Variants in RTN2 observed in about 807,000 individuals in gnomAD.
RTN2 encodes reticulon 2.
In RTN2, 36 loss-of-function variants were observed where a neutral mutation model predicts 63.7. That is an observed-to-expected ratio of 0.56 (90% CI 0.43 to 0.75). The LOEUF (loss-of-function observed/expected upper bound fraction) is 0.75. Ranked by LOEUF, RTN2 falls within the 30% of genes least tolerant of loss-of-function variation. RTN2 has a pLI of 0.00. For synonymous variants in RTN2, 312 were observed against 313.0 expected (o/e 1.00, Z 0.03); for missense variants, 673 against 705.1 (o/e 0.95, Z 0.52).
At chr19:45,487,929 C>G (rs1483131842) in intron 9 of RTN2, among the ~76,000 whole-genome samples, 1 of 133,380 alleles carries the variant, frequency 7.5e-6, no homozygotes, top group Non-Finnish European at 1.5e-5. Flanking sequence ...GGCAACAGAG[C>G]GAGACTCCAT....
Position 45,488,993 on chromosome 19 carries a change from G to A in RTN2, c.1242-7C>T. The A allele has an allele frequency of 1.2e-6, 2 of 1,610,010 alleles. No individual in the cohort carries two copies. The highest frequency in any genetic ancestry group is 1.7e-6 in the Non-Finnish European group (2 of 1,178,444). Reference sequence around the variant, plus strand: ...GTCCACATCCAGGTAGGCCCTGCGGGGACAAAGGAGTGTGGGGCGACTCAG... The same window carrying A: ...GTCCACATCCAGGTAGGCCCTGCGGAGACAAAGGAGTGTGGGGCGACTCAG... On this transcript the variant is annotated splice_region_variant and splice_polypyrimidine_tract_variant and intron_variant, in intron 6 of 10. Coordinates refer to ENST00000245923, the MANE Select transcript of RTN2 (RefSeq NM_005619.5).
At chr19:45,491,298 C>T (rs1233183208) in intron 5 of RTN2, among the ~76,000 whole-genome samples, 2 of 150,740 alleles carry the variant, frequency 1.3e-5, no homozygotes, top group Non-Finnish European at 3.0e-5. Context: ...CAGAGTCAAG[C>T]AAACCTCCTA....
intron 5 of RTN2, among the ~76,000 whole-genome samples, chr19:45,492,558 T>C (rs1968182107): frequency 6.6e-6 from 1 of 152,114 alleles, no homozygotes; most frequent in Admixed American, 6.5e-5. Flanking sequence ...AAAGAAACTT[T>C]AGTAATCTGC....
In RTN2 at chr19:45,493,350, T is replaced by G. The variant is rs1211234171; in HGVS notation, c.843A>C (p.Ser281=). ...CCGTCTTGTAAACAGCCAAAAGCAATGATGTCTTTAACCATTCCATAGCTG... is the reference window on the plus strand; with the variant it reads ...CCGTCTTGTAAACAGCCAAAAGCAAGGATGTCTTTAACCATTCCATAGCTG... ...LGTAMEWLKT[S]LLLAVYKTVP... Residue 281 remains serine (S), a synonymous_variant, in exon 5 of 11, where the codon TCA becomes TCC. Transcript: ENST00000245923. 1 of 1,609,506 alleles carries G rather than the reference T, an allele frequency of 6.2e-7. No individual in the cohort carries two copies. The highest frequency in any genetic ancestry group is 8.5e-7 in the Non-Finnish European group (1 of 1,178,870).
chr19:45,489,264 G>A (rs557248702), intron 6 of RTN2, 82 bp downstream of exon 6: 40 of 1,291,530 alleles, frequency 3.1e-5, no homozygotes, highest in African/African-American at 1.6e-4. Flanking sequence ...GGGTCCGGGT[G>A]GGAGTCGGTG....
intron 10 of RTN2, 125 bp downstream of exon 10, chr19:45,485,930 A>G: frequency 8.4e-7 from 1 of 1,187,568 alleles, no homozygotes; most frequent in Non-Finnish European, 1.2e-6. Flanking sequence ...CTACATTGGA[A>G]TTGCCTCCTC....
chr19:45,493,909 C>T (rs1292978206), intron 4 of RTN2: 5 of 465,128 alleles, frequency 1.1e-5, no homozygotes, highest in Non-Finnish European at 1.6e-5. Flanking sequence ...AGGCTGATCT[C>T]GAACTCCTCA....
chr19:45,487,199 A>T (rs1968044304), intron 9 of RTN2, among the ~76,000 whole-genome samples: 1 of 151,600 alleles, frequency 6.6e-6, no homozygotes, highest in Non-Finnish European at 1.5e-5. Context: ...GTGTGCCACC[A>T]CACCTGGCTA....
rs756218722 is a variant in RTN2 at position 45,494,337 on chromosome 19, G to T, written c.643C>A (p.Gln215Lys). ...CGGGATGGGGACGGAGTACCGGCCT[G>T]GGGTGTCCCAGAGCCCGGACTGAGC... is the stretch of plus-strand genomic sequence containing the variant. Reference protein sequence around the residue: ...PQLSPGSGTPQAGTPSPSRSR... With the variant: ...PQLSPGSGTPKAGTPSPSRSR... Residue 215 changes from glutamine (Q) to lysine (K), a missense_variant, in exon 4 of 11, where the codon CAG becomes AAG. Transcript: ENST00000245923. This position sits in a 1 kb window ranked among gnomAD's most constrained non-coding sequence, Gnocchi z 5.3. The T allele has an allele frequency of 2.5e-6, 4 of 1,614,156 alleles. No individual in the cohort carries two copies. Among genetic ancestry groups the T allele is most frequent in the Middle Eastern group, 3.3e-4 (2 of 6,062 alleles).
chr19:45,494,455 T>C lies in RTN2; in HGVS notation c.560-35A>G. On this transcript the variant is annotated intron_variant, in intron 3 of 10. Coordinates refer to ENST00000245923, the MANE Select transcript of RTN2 (RefSeq NM_005619.5). The surrounding 1 kb of genome is among the most constrained non-coding windows in gnomAD (Gnocchi z 5.3). ...TAGAGAGAGGAGGCCGTGAGCTTTC[T>C]TCTTGGAGGTGCCCCAAGGAGAAAC... The C allele has an allele frequency of 2.5e-6, 4 of 1,603,592 alleles. No homozygotes were observed. Among genetic ancestry groups the C allele is most frequent in the Non-Finnish European group, 3.4e-6 (4 of 1,173,020 alleles).
rs560611464 is a variant in RTN2 at position 45,491,256 on chromosome 19, C to T, written c.1034-1703G>A. 2.6e-5 allele frequency among the ~76,000 whole-genome samples: 4 copies of T among 151,384 alleles called. No homozygotes were observed. In the South Asian group the frequency reaches 6.3e-4, roughly 24 times the overall value. On this transcript the variant is annotated intron_variant, in intron 5 of 10. Transcript: ENST00000245923. ...TGTCACCCTGGCTGGAGTGCAGTGGCGTGATCATGGCTCACTACAGCCTCT... is the reference window on the plus strand; with the variant it reads ...TGTCACCCTGGCTGGAGTGCAGTGGTGTGATCATGGCTCACTACAGCCTCT...
chr19:45,489,251 T>C (rs2085597003), intron 6 of RTN2, 95 bp downstream of exon 6: 2 of 1,147,280 alleles, frequency 1.7e-6, no homozygotes, highest in South Asian at 2.8e-5. Context: ...TCAAGATGAG[T>C]CGGGGTCCGG....
intron 1 of RTN2, 44 bp from the exon 2 acceptor site, chr19:45,495,183 T>A (rs758645044): frequency 1.2e-6 from 2 of 1,608,306 alleles, no homozygotes; most frequent in Non-Finnish European, 1.7e-6. Flanking sequence ...GCTTAGACTG[T>A]CCGAATCACA....
intron 1 of RTN2, 26 bp downstream of exon 1, chr19:45,496,766 C>T: frequency 1.1e-5 from 17 of 1,482,726 alleles, no homozygotes; most frequent in Non-Finnish European, 1.5e-5. Context: ...GGGGCCCACA[C>T]CAGGCCCCAG....
intron 1 of RTN2, 44 bp downstream of exon 1, chr19:45,496,748 G>T: frequency 1.4e-6 from 2 of 1,398,356 alleles, no homozygotes; most frequent in Admixed American, 2.6e-5. Flanking sequence ...TACCCCACCT[G>T]AACCTCTGGG....
At position 45,488,922 on chromosome 19, in the gene RTN2, T is replaced by A. The variant is rs749371520; in HGVS notation, c.1306A>T (p.Thr436Ser). The A allele has an allele frequency of 1.2e-6, 2 of 1,609,640 alleles. No homozygotes were observed. Among genetic ancestry groups the A allele is most frequent in the Non-Finnish European group, 1.7e-6 (2 of 1,178,430 alleles). ...EQTERLSHQI[T>S]SRVVSAATQL... is the part of the protein sequence containing the mutation. ...GTGGCCGCCGAGACCACGCGGGAGG[T>A]GATCTGGTGGGACAAACGTTCCGTC... Residue 436 changes from threonine (T) to serine (S), a missense_variant, in exon 7 of 11, where the codon ACC becomes TCC. Thr to Ser is a moderately conservative substitution (Grantham distance 58). Transcript: ENST00000245923.
At chr19:45,489,310 G>T (rs1466893546) in intron 6 of RTN2, 36 bp downstream of exon 6, 1 of 1,539,042 alleles carries the variant, frequency 6.5e-7, no homozygotes, top group African/African-American at 1.4e-5. Flanking sequence ...TTTAGGGTCA[G>T]GACAGGGGCT....
chr19:45,489,396 G>A lies in RTN2; in HGVS notation c.1191C>T (p.Tyr397=). 1.3e-6 allele frequency: 2 copies of A among 1,597,738 alleles called. No homozygotes were observed. Among genetic ancestry groups the A allele is most frequent in the Non-Finnish European group, 8.5e-7 (1 of 1,172,692 alleles). ...GGTGCACGGCCTGCAGCACTTTGCG[G>A]TAAACCCTGAGAGAGATGGTGCCGC... ...LLCGTISLRV[Y]RKVLQAVHRG... is the part of the protein sequence containing the mutation. Residue 397 remains tyrosine (Y), a synonymous_variant, in exon 6 of 11, where the codon TAC becomes TAT. Coordinates refer to ENST00000245923, the MANE Select transcript of RTN2 (RefSeq NM_005619.5).
chr19:45,494,944 GTCC>G lies in RTN2; in HGVS notation c.138_140del (p.Glu46del), dbSNP rs755706051. 6.2e-7 allele frequency: 1 copy of G among 1,613,836 alleles called. No homozygotes were observed. Among genetic ancestry groups the G allele is most frequent in the Admixed American group, 1.7e-5 (1 of 59,994 alleles). ...AGTCCTGCGACGTGGTCTCCTCCTC[GTCC>G]TCCTCTGAGAATTCCCGGGCTGTGT... On this transcript the variant is annotated inframe_deletion, in exon 3 of 11. Coordinates refer to ENST00000245923, the MANE Select transcript of RTN2 (RefSeq NM_005619.5). The surrounding 1 kb of genome is among the most constrained non-coding windows in gnomAD (Gnocchi z 5.3).
Sources: allele counts gnomAD v4.1 joint callset (sites outside exome capture counted in the v4.1 genomes callset), GRCh38; gene constraint gnomAD v4.1.1; non-coding constraint Gnocchi (gnomAD v3.1); transcripts MANE v1.5; gene names NCBI Gene and HGNC (gene_info 2026-07-23, HGNC 2026-07-21).